The following ZCCHC14 variants were observed in gnomAD, a reference collection of about 807,000 sequenced individuals.
The protein encoded by ZCCHC14 is zinc finger CCHC-type containing 14, also known as zinc finger CCHC domain-containing protein 14.
Under a neutral mutation model 85.0 loss-of-function variants are expected in ZCCHC14, and 16 were observed. That is an observed-to-expected ratio of 0.19 (90% CI 0.13 to 0.29). The LOEUF is 0.29. Ranked by LOEUF, ZCCHC14 falls within the 10% of genes least tolerant of loss-of-function variation. ZCCHC14 has a pLI of 1.00. For missense variants in ZCCHC14, 1,303 were observed against 1,443.5 expected (o/e 0.90, Z 1.58); for synonymous variants, 775 against 630.7 (o/e 1.23, Z -3.43).
chr16:87,492,575 C>CGCG lies in ZCCHC14; in HGVS notation c.-340_-338dup, dbSNP rs1049274987. 4 of 146,522 alleles carry CGCG rather than the reference C, an allele frequency of 2.7e-5. No individual in the cohort carries two copies. Among genetic ancestry groups the CGCG allele is most frequent in the South Asian group, 3.7e-4 (2 of 5,386 alleles). 9.1% of individuals were successfully genotyped at this position (146,522 alleles called of 1,614,324 possible). ...CGCCCGTGCCCAGCGGCGGCCGGTG[C>CGCG]GCGGCGGCGGCGGCGGCTGCTCCTC... is the stretch of plus-strand genomic sequence containing the variant. On this transcript the variant is annotated 5_prime_UTR_variant, in exon 1 of 13. Coordinates refer to ENST00000671377, the MANE Select transcript of ZCCHC14 (RefSeq NM_015144.3). The surrounding 1 kb of genome is among the most constrained non-coding windows in gnomAD (Gnocchi z 6.7).
At chr16:87,438,344 ACT>A (rs1372514637) in intron 2 of ZCCHC14, among the ~76,000 whole-genome samples, 1 of 152,140 alleles carries the variant, frequency 6.6e-6, no homozygotes, top group African/African-American at 2.4e-5. Context: ...ATATTATGAA[ACT>A]CTGCAGCCAA....
intron 3 of ZCCHC14, among the ~76,000 whole-genome samples, chr16:87,424,852 A>G (rs1909287316): frequency 6.6e-6 from 1 of 152,200 alleles, no homozygotes; most frequent in Non-Finnish European, 1.5e-5. Flanking sequence ...CAAGCACCAA[A>G]TGCAAATTGC....
At chr16:87,478,983 A>T (rs1222085402) in intron 1 of ZCCHC14, among the ~76,000 whole-genome samples, 1 of 152,194 alleles carries the variant, frequency 6.6e-6, no homozygotes, top group Non-Finnish European at 1.5e-5. Flanking sequence ...CCCAAAACAG[A>T]GTAGGGGTGA....
chr16:87,491,810 CG>C lies in ZCCHC14; in HGVS notation c.428del (p.Pro143ArgfsTer22). On this transcript the variant is annotated frameshift_variant, in exon 1 of 13. Coordinates refer to ENST00000671377, the MANE Select transcript of ZCCHC14 (RefSeq NM_015144.3). LOFTEE classifies it high-confidence loss of function. The surrounding 1 kb of genome is among the most constrained non-coding windows in gnomAD (Gnocchi z 5.9). ...LLLFTMASNHPAFSFHQKQVL... is the reference protein window; with the variant it reads ...LLLFTMASNHXAFSFHQKQVL... ...CCTGCTTCTGGTGGAAGCTGAAGGC[CG>C]GGTGGTTGGAGGCCATGGTGAACAG... 1 of 1,586,402 alleles carries C rather than the reference CG, an allele frequency of 6.3e-7. No homozygotes were observed. The highest frequency in any genetic ancestry group is 1.1e-5 in the South Asian group (1 of 87,844).
chr16:87,416,243 TG>T (rs1456021577), intron 8 of ZCCHC14, among the ~76,000 whole-genome samples: 1 of 151,930 alleles, frequency 6.6e-6, no homozygotes, highest in Non-Finnish European at 1.5e-5. Flanking sequence ...ACAGCAACTT[TG>T]TCAGGTAGCA....
rs369476187 is a variant in ZCCHC14, at chr16:87,413,041, G to A, written c.1744+14C>T. ...CTGGGCCAGGTCGAGCCAGCGCCGC[G>A]CACGTGCCCTTACGTCTGTCATTCT... On this transcript the variant is annotated intron_variant, in intron 11 of 12. Coordinates refer to ENST00000671377, the MANE Select transcript of ZCCHC14 (RefSeq NM_015144.3). The A allele has an allele frequency of 3.3e-5, 53 of 1,614,020 alleles. No individual in the cohort carries two copies. The Admixed American group carries it at 5.0e-4, about 15-fold the overall frequency.
intron 10 of ZCCHC14, 50 bp from the exon 11 acceptor site, chr16:87,413,245 T>G (rs1273202058): frequency 1.4e-6 from 2 of 1,473,268 alleles, no homozygotes; most frequent in Admixed American, 4.8e-5. Flanking sequence ...CCCTGCAGGC[T>G]CAGCCCGCCC....
At chr16:87,425,536 A>T (rs1294496031) in intron 3 of ZCCHC14, among the ~76,000 whole-genome samples, 1 of 151,964 alleles carries the variant, frequency 6.6e-6, no homozygotes, top group African/African-American at 2.4e-5. Flanking sequence ...AGATCGCGCC[A>T]TTGCACTCCA....
Position 87,408,960 on chromosome 16 carries a change from C to T in ZCCHC14, c.*1320G>A, listed in dbSNP as rs1232971581. On this transcript the variant is annotated 3_prime_UTR_variant, in exon 13 of 13. Coordinates refer to ENST00000671377, the MANE Select transcript of ZCCHC14 (RefSeq NM_015144.3). ...AAGAGTATTATTTGAGCAGAAAATT[C>T]CCTTTAACCTTGAAGATTTAAGTCC... The T allele has an allele frequency of 2.0e-5, 3 of 152,626 alleles. No homozygotes were observed. The highest frequency in any genetic ancestry group is 7.2e-5 in the African/African-American group (3 of 41,444). 9.5% of individuals were successfully genotyped at this position (152,626 alleles called of 1,614,324 possible).
At chr16:87,455,766 G>T (rs1274974892) in intron 2 of ZCCHC14, among the ~76,000 whole-genome samples, 2 of 152,212 alleles carry the variant, frequency 1.3e-5, no homozygotes, top group African/African-American at 4.8e-5. Context: ...CATGCATTCA[G>T]AAGGAACTGC....
In ZCCHC14 at chr16:87,491,289, C is replaced by T. The variant is rs1262604950; in HGVS notation, c.570+380G>A. Among the ~76,000 whole-genome samples, 1 of 152,222 alleles carries T rather than the reference C, an allele frequency of 6.6e-6. No homozygotes were observed. The highest frequency in any genetic ancestry group is 2.4e-5 in the African/African-American group (1 of 41,458). On this transcript the variant is annotated intron_variant, in intron 1 of 12. Coordinates refer to ENST00000671377, the MANE Select transcript of ZCCHC14 (RefSeq NM_015144.3). This position sits in a 1 kb window ranked among gnomAD's most constrained non-coding sequence, Gnocchi z 5.9. The stretch of plus-strand genomic sequence containing the variant: ...AGGCGGAGGTGTGGAGGCTTTGGGG[C>T]ACGCAGAGGGGACTGAGGGTGTGGG...
chr16:87,410,312 G>A lies in ZCCHC14; in HGVS notation c.3229C>T (p.Pro1077Ser). 1 of 776,744 alleles carries A rather than the reference G, an allele frequency of 1.3e-6. No homozygotes were observed. The highest frequency in any genetic ancestry group is 2.4e-6 in the Non-Finnish European group (1 of 416,632). 48.1% of individuals were successfully genotyped at this position (776,744 alleles called of 1,614,324 possible). A position where few individuals can be genotyped will look rare whatever the true frequency, so the allele number is the denominator to read the frequency against. ...RPGTFRLKYA[P>S]PAESLDSTD ...GTGGAGTCCAGACTTTCTGCTGGAG[G>A]GGCGTATTTCAACCTAAAAGTACCT... The change falls in exon 13 of 13, where the codon CCT becomes TCT. Residue 1077 changes from proline (P) to serine (S), a missense_variant. Physicochemically the swap from Pro to Ser is moderately conservative, Grantham distance 74 (BLOSUM62 -1). Transcript: ENST00000671377.
intron 1 of ZCCHC14, among the ~76,000 whole-genome samples, chr16:87,487,638 T>C (rs940941938): frequency 1.1e-4 from 17 of 152,242 alleles, no homozygotes; most frequent in Non-Finnish European, 2.2e-4. Flanking sequence ...CCACAGAGGA[T>C]GCGCTAAGTG....
intron 3 of ZCCHC14, among the ~76,000 whole-genome samples, chr16:87,424,779 A>C (rs1274246905): frequency 6.6e-6 from 1 of 152,208 alleles, no homozygotes; most frequent in Non-Finnish European, 1.5e-5. Context: ...AGTTAGCTAC[A>C]GGATTGAGAT....
chr16:87,483,793 T>C (rs1167449186), intron 1 of ZCCHC14, among the ~76,000 whole-genome samples: 2 of 152,166 alleles, frequency 1.3e-5, no homozygotes, highest in South Asian at 4.1e-4. Flanking sequence ...CACAGACCAT[T>C]TGACCCAACT....
chr16:87,466,728 C>G (rs937099063), intron 1 of ZCCHC14, among the ~76,000 whole-genome samples: 3 of 152,150 alleles, frequency 2.0e-5, no homozygotes, highest in Non-Finnish European at 4.4e-5. Flanking sequence ...CATCTGTGAC[C>G]AAGTCACAGG....
intron 4 of ZCCHC14, among the ~76,000 whole-genome samples, chr16:87,421,911 C>G (rs934295306): frequency 6.6e-6 from 1 of 150,672 alleles, no homozygotes; most frequent in Non-Finnish European, 1.5e-5. Context: ...GACATTCAGT[C>G]AACATTTGCA....
intron 1 of ZCCHC14, chr16:87,473,100 A>G (rs1911846505): frequency 6.6e-6 from 1 of 152,260 alleles, no homozygotes; most frequent in Non-Finnish European, 1.5e-5. Flanking sequence ...GGCTGCAGCC[A>G]GCACCCTCTC....
intron 2 of ZCCHC14, among the ~76,000 whole-genome samples, chr16:87,446,717 T>G (rs372170004): frequency 1.3e-5 from 2 of 151,592 alleles, no homozygotes; most frequent in African/African-American, 4.9e-5. Context: ...TGAGATAGAG[T>G]TTCGCTCTGC....
Sources: allele counts gnomAD v4.1 joint callset (sites outside exome capture counted in the v4.1 genomes callset), GRCh38; gene constraint gnomAD v4.1.1; non-coding constraint Gnocchi (gnomAD v3.1); transcripts MANE v1.5; gene names NCBI Gene and HGNC (gene_info 2026-07-23, HGNC 2026-07-21).